The following GLIS3 variants were observed in gnomAD, a reference collection of about 807,000 sequenced individuals.
The protein encoded by GLIS3 is zinc finger protein GLIS3.
GLIS3 carries 53 observed loss-of-function variants against 78.6 expected under a neutral mutation model. The ratio of observed to expected loss-of-function variants is 0.67; its 90% confidence interval spans 0.54 to 0.85. The LOEUF is 0.85. GLIS3 is among the 40% of genes least tolerant of loss of function. GLIS3 has a pLI of 0.00. For synonymous variants in GLIS3, 684 were observed against 509.9 expected (o/e 1.34, Z -4.60); for missense variants, 1,703 against 1,231.1 (o/e 1.38, Z -5.74).
the GLIS3 span, among the ~76,000 whole-genome samples, chr9:4,384,831 T>C: frequency 2.0e-5 from 3 of 152,094 alleles, no homozygotes; most frequent in Non-Finnish European, 4.4e-5. Flanking sequence ...CGTGTACACA[T>C]CCAAAACATA....
At chr9:4,270,164 A>C in intron 2 of GLIS3, among the ~76,000 whole-genome samples, 1 of 152,236 alleles carries the variant, frequency 6.6e-6, no homozygotes. Context: ...AAAATCTTGC[A>C]AACTGGCACT....
At chr9:4,195,388 C>A (rs1279933199) in intron 2 of GLIS3, among the ~76,000 whole-genome samples, 1 of 152,170 alleles carries the variant, frequency 6.6e-6, no homozygotes, top group Admixed American at 6.5e-5. Context: ...GCCCCACACT[C>A]GGAGAGGCCA....
the GLIS3 span, among the ~76,000 whole-genome samples, chr9:4,354,438 T>C: frequency 6.6e-6 from 1 of 152,286 alleles, no homozygotes; most frequent in South Asian, 2.1e-4. Flanking sequence ...ATTTCTTTTC[T>C]TTTGCTATAT....
chr9:3,926,252 A>G (rs1437038713), intron 6 of GLIS3, among the ~76,000 whole-genome samples: 6 of 82,996 alleles, frequency 7.2e-5, no homozygotes, highest in African/African-American at 2.7e-4. Flanking sequence ...TTTTTCTTTG[A>G]CGGAGTCTTG....
intron 4 of GLIS3, among the ~76,000 whole-genome samples, chr9:3,940,526 T>C (rs1284515566): frequency 1.3e-5 from 2 of 152,168 alleles, no homozygotes; most frequent in East Asian, 3.9e-4. Context: ...GTCTTCTGCT[T>C]CCTGGGCTAG....
chr9:4,050,444 T>C (rs772282862), intron 4 of GLIS3, among the ~76,000 whole-genome samples: 2 of 151,922 alleles, frequency 1.3e-5, no homozygotes, highest in African/African-American at 2.4e-5. Flanking sequence ...CCAGGGCCTG[T>C]TGGTGGGTGG....
chr9:4,270,762 G>C (rs1826424629), intron 2 of GLIS3, among the ~76,000 whole-genome samples: 4 of 152,184 alleles, frequency 2.6e-5, no homozygotes, highest in Admixed American at 2.6e-4. Context: ...TCAGCCTCAG[G>C]CTGGAACGAT....
At chr9:3,905,983 G>A (rs1823669190) in intron 6 of GLIS3, among the ~76,000 whole-genome samples, 1 of 152,190 alleles carries the variant, frequency 6.6e-6, no homozygotes, top group Non-Finnish European at 1.5e-5. Context: ...ATTCTGGGCT[G>A]AAACCTGAAT....
chr9:3,867,722 T>A (rs995070754), intron 8 of GLIS3, among the ~76,000 whole-genome samples: 2 of 9,926 alleles, frequency 2.0e-4, no homozygotes, highest in African/African-American at 5.7e-4. Context: ...TTCTTGTGTG[T>A]GTGTGTGCGT....
At chr9:4,310,608 A>G (rs1197784617) in intron 2 of GLIS3, 1 of 152,274 alleles carries the variant, frequency 6.6e-6, no homozygotes, top group Non-Finnish European at 1.5e-5. Context: ...GCTAAACTAT[A>G]TGTGTCTGAA....
chr9:4,008,025 C>G (rs1411084234), intron 4 of GLIS3, among the ~76,000 whole-genome samples: 1 of 152,130 alleles, frequency 6.6e-6, no homozygotes, highest in Non-Finnish European at 1.5e-5. Flanking sequence ...CCCTCTGCAC[C>G]TAAGCTCCCC....
chr9:4,321,721 T>G (rs925773613), intron 2 of GLIS3, among the ~76,000 whole-genome samples: 5 of 151,576 alleles, frequency 3.3e-5, no homozygotes, highest in Non-Finnish European at 7.4e-5. Flanking sequence ...ATTGGCAGTT[T>G]TGTTTTGTTT....
intron 2 of GLIS3, among the ~76,000 whole-genome samples, chr9:4,270,608 G>A (rs746461165): frequency 6.6e-6 from 1 of 152,184 alleles, no homozygotes; most frequent in African/African-American, 2.4e-5. Context: ...GGCCTTTCCA[G>A]CATGGCAGCT....
upstream of GLIS3, among the ~76,000 whole-genome samples, chr9:4,303,216 G>C (rs1563925131): frequency 6.6e-6 from 1 of 151,840 alleles, no homozygotes; most frequent in Admixed American, 6.6e-5. Context: ...CCAAAATACA[G>C]ATAAGTTGAG....
At chr9:4,227,034 T>C (rs760653987) in intron 2 of GLIS3, among the ~76,000 whole-genome samples, 1 of 152,174 alleles carries the variant, frequency 6.6e-6, no homozygotes. Flanking sequence ...AGTTCTTGCA[T>C]GCAAGGGGGA....
intron 2 of GLIS3, among the ~76,000 whole-genome samples, chr9:4,267,494 C>A (rs1003499386): frequency 2.6e-5 from 4 of 152,082 alleles, no homozygotes; most frequent in Non-Finnish European, 5.9e-5. Context: ...AATTGCCAAC[C>A]CCACAGTACC....
intron 2 of GLIS3, among the ~76,000 whole-genome samples, chr9:4,228,541 C>G (rs1821981240): frequency 6.6e-6 from 1 of 152,182 alleles, no homozygotes; most frequent in Admixed American, 6.5e-5. Context: ...AACTAAGTGT[C>G]TGGTCTCATT....
chr9:4,221,131 C>G (rs1310007973), intron 2 of GLIS3, among the ~76,000 whole-genome samples: 1 of 152,248 alleles, frequency 6.6e-6, no homozygotes, highest in East Asian at 1.9e-4. Context: ...AAAATGCCTA[C>G]AACTCACTCT....
chr9:4,279,296 T>TAAAAA (rs1827311676), intron 2 of GLIS3, among the ~76,000 whole-genome samples: 1 of 8,834 alleles, frequency 1.1e-4, no homozygotes, highest in Non-Finnish European at 2.8e-4. Flanking sequence ...AGACTCCATC[T>TAAAAA]CAAAAAAAAA....
Sources: gnomAD v4.1 joint callset for allele counts (sites outside exome capture counted in the v4.1 genomes callset) on GRCh38, gnomAD v4.1.1 for gene constraint, MANE v1.5 for transcripts, NCBI Gene and HGNC (gene_info 2026-07-23, HGNC 2026-07-21) for gene names.